Variants in COL21A1 observed in about 807,000 individuals in gnomAD.
COL21A1 encodes the protein collagen type XXI alpha 1 chain.
A neutral mutation model predicts 137.9 loss-of-function variants in COL21A1; 149 were observed. That is an observed-to-expected ratio of 1.08 (90% CI 0.95 to 1.24). The LOEUF is 1.24. Among genes scored for constraint, COL21A1 ranks in the 50% most tolerant of loss-of-function variants. COL21A1 has a pLI of 0.00. For missense variants in COL21A1, 1,167 were observed against 1,158.4 expected (o/e 1.01, Z -0.11); for synonymous variants, 456 against 391.5 (o/e 1.16, Z -1.95).
At chr6:56,168,648 C>G (rs765750401) in intron 5 of COL21A1, among the ~76,000 whole-genome samples, 13 of 152,126 alleles carry the variant, frequency 8.5e-5, no homozygotes, top group South Asian at 4.1e-4. Context: ...CATAACTAAT[C>G]AATCTTCCTT....
intron 1 of COL21A1, among the ~76,000 whole-genome samples, chr6:56,210,911 C>T (rs1186127022): frequency 1.3e-5 from 2 of 151,732 alleles, no homozygotes; most frequent in East Asian, 3.9e-4. Context: ...TAATTTAAAC[C>T]ATTGAATGTA....
chr6:56,083,410 T>C (rs1432884389), intron 17 of COL21A1, among the ~76,000 whole-genome samples: 1 of 151,962 alleles, frequency 6.6e-6, no homozygotes, highest in Non-Finnish European at 1.5e-5. Context: ...TTTGCCCCAT[T>C]CCTGCTCTGT....
intron 12 of COL21A1, among the ~76,000 whole-genome samples, chr6:56,130,783 G>A (rs917196656): frequency 6.6e-6 from 1 of 151,560 alleles, no homozygotes; most frequent in Non-Finnish European, 1.5e-5. Flanking sequence ...GAAGGAGAGA[G>A]CGAGCAGCAA....
intron 1 of COL21A1, among the ~76,000 whole-genome samples, chr6:56,368,851 T>C (rs73450985): frequency 4.1e-4 from 62 of 152,356 alleles, no homozygotes; most frequent in African/African-American, 1.4e-3. Context: ...AGTCTTCAAA[T>C]ATATGCTGGA....
At chr6:56,226,197 A>G (rs948381230) in intron 1 of COL21A1, among the ~76,000 whole-genome samples, 8 of 152,054 alleles carry the variant, frequency 5.3e-5, no homozygotes, top group African/African-American at 1.4e-4. Flanking sequence ...GCATAGCCGA[A>G]TTACCTACAG....
At chr6:56,320,703 G>A (rs9475669) in intron 1 of COL21A1, among the ~76,000 whole-genome samples, 53,314 of 151,870 alleles carry the variant, frequency 0.35, 10,153 homozygotes, top group Non-Finnish European at 0.44. Flanking sequence ...ATATTCATGT[G>A]GCTTGTACCT....
chr6:56,156,811 G>T, intron 10 of COL21A1, 76 bp downstream of exon 10: 2 of 1,180,352 alleles, frequency 1.7e-6, no homozygotes, highest in South Asian at 1.3e-5. Flanking sequence ...TGTCTGTTTA[G>T]ATTTGCTCAG....
At chr6:56,246,316 C>T (rs143810283) in intron 1 of COL21A1, among the ~76,000 whole-genome samples, 56 of 152,284 alleles carry the variant, frequency 3.7e-4, no homozygotes, top group Middle Eastern at 3.4e-3. Context: ...AGCTGGAAGA[C>T]TCATGTATAT....
chr6:56,092,371 T>C (rs781631022), intron 17 of COL21A1, among the ~76,000 whole-genome samples: 67 of 152,172 alleles, frequency 4.4e-4, no homozygotes, highest in Non-Finnish European at 7.9e-4. Context: ...CGCATACATA[T>C]TTATATATTG....
chr6:56,107,284 T>C (rs1771027526), intron 16 of COL21A1, among the ~76,000 whole-genome samples: 1 of 152,082 alleles, frequency 6.6e-6, no homozygotes, highest in African/African-American at 2.4e-5. Context: ...CCAATAAAAA[T>C]AGACTTTTGA....
intron 12 of COL21A1, among the ~76,000 whole-genome samples, chr6:56,130,235 A>C (rs1773448197): frequency 7.2e-6 from 1 of 139,156 alleles, no homozygotes; most frequent in Non-Finnish European, 1.5e-5. Flanking sequence ...CATATTTATA[A>C]TTTAAAATTT....
intron 1 of COL21A1, among the ~76,000 whole-genome samples, chr6:56,219,216 C>CAAA (rs386407160): frequency 0.11 from 8,380 of 75,664 alleles, 589 homozygotes; most frequent in East Asian, 0.18. Context: ...AAACTTGCAC[C>CAAA]AAAAAAAAAA....
intron 10 of COL21A1, among the ~76,000 whole-genome samples, chr6:56,143,280 A>G (rs1441356312): frequency 2.0e-5 from 3 of 148,990 alleles, no homozygotes; most frequent in African/African-American, 7.4e-5. Context: ...GGCTCACTAC[A>G]AGCTCTGCCT....
At chr6:56,318,637 T>C (rs1764796931) in intron 1 of COL21A1, among the ~76,000 whole-genome samples, 1 of 152,044 alleles carries the variant, frequency 6.6e-6, no homozygotes, top group Non-Finnish European at 1.5e-5. Flanking sequence ...ACTTGATGAG[T>C]GGTTCCTTTA....
At chr6:56,331,387 T>C (rs1765220914) in intron 1 of COL21A1, among the ~76,000 whole-genome samples, 1 of 152,108 alleles carries the variant, frequency 6.6e-6, no homozygotes, top group Non-Finnish European at 1.5e-5. Context: ...TCCTAGATTT[T>C]CTTCCAGCAA....
intron 1 of COL21A1, among the ~76,000 whole-genome samples, chr6:56,222,729 G>T (rs552747223): frequency 1.2e-4 from 18 of 151,530 alleles, no homozygotes; most frequent in Admixed American, 4.6e-4. Context: ...TTTTCATGAG[G>T]TTATCAATCA....
At chr6:56,317,061 G>T (rs1764755661) in intron 1 of COL21A1, among the ~76,000 whole-genome samples, 1 of 152,044 alleles carries the variant, frequency 6.6e-6, no homozygotes, top group Admixed American at 6.6e-5. Context: ...CCAGTTTATG[G>T]CTCTAGCACC....
chr6:56,274,618 TAC>T (rs1354631874), intron 1 of COL21A1, among the ~76,000 whole-genome samples: 3 of 151,776 alleles, frequency 2.0e-5, no homozygotes, highest in Non-Finnish European at 4.4e-5. Flanking sequence ...TTACAATAGC[TAC>T]ACACAAAAAA....
At chr6:56,364,338 C>A (rs1043385575) in intron 1 of COL21A1, among the ~76,000 whole-genome samples, 2 of 152,142 alleles carry the variant, frequency 1.3e-5, no homozygotes, top group Non-Finnish European at 2.9e-5. Context: ...CTCAATGATT[C>A]CTCTACCTCC....
Sources: gnomAD v4.1 joint callset for allele counts (sites outside exome capture counted in the v4.1 genomes callset) on GRCh38, gnomAD v4.1.1 for gene constraint, MANE v1.5 for transcripts, NCBI Gene and HGNC (gene_info 2026-07-23, HGNC 2026-07-21) for gene names.